Variants in MCHR2 observed in about 807,000 individuals in gnomAD.
MCHR2 encodes melanin concentrating hormone receptor 2.
MCHR2 carries 15 observed loss-of-function variants against 24.8 expected under a neutral mutation model. The ratio of observed to expected loss-of-function variants is 0.60; its 90% CI spans 0.40 to 0.93. The LOEUF is 0.93. MCHR2 is among the 40% of genes least tolerant of loss of function. MCHR2 has a pLI of 0.00. For synonymous variants in MCHR2, 151 were observed against 147.6 expected (o/e 1.02, Z -0.17); for missense variants, 386 against 408.7 (o/e 0.94, Z 0.48).
At chr6:99,991,139 G>A (rs1359250119) in intron 1 of MCHR2, among the ~76,000 whole-genome samples, 1 of 151,936 alleles carries the variant, frequency 6.6e-6, no homozygotes. Flanking sequence ...GTGCGGGCAT[G>A]GAGATAAAGA....
chr6:99,991,152 G>C (rs914641050), intron 1 of MCHR2, among the ~76,000 whole-genome samples: 1 of 151,884 alleles, frequency 6.6e-6, no homozygotes, highest in African/African-American at 2.4e-5. Flanking sequence ...GATAAAGAGT[G>C]GGGAAAAGAG....
In MCHR2 at chr6:99,930,956, C is replaced by T. The variant is rs1371364840; in HGVS notation, c.707+3442G>A. On this transcript the variant is annotated intron_variant, in intron 5 of 5. Coordinates refer to ENST00000281806, the MANE Select transcript of MCHR2 (RefSeq NM_001040179.2). Reference sequence around the variant, plus strand: ...TCCAGTTTTTCTGCTCTGTTTTTTCCCCATCTTTGTGGTTTTATCTACTTT... The same window carrying T: ...TCCAGTTTTTCTGCTCTGTTTTTTCTCCATCTTTGTGGTTTTATCTACTTT... 3.3e-5 allele frequency among the ~76,000 whole-genome samples: 5 copies of T among 152,046 alleles called. No individual in the cohort carries two copies. In the East Asian group the frequency reaches 9.6e-4, roughly 29 times the overall value.
At chr6:99,949,677 C>T (rs773136170) in intron 2 of MCHR2, among the ~76,000 whole-genome samples, 9 of 152,042 alleles carry the variant, frequency 5.9e-5, no homozygotes, top group South Asian at 2.1e-4. Flanking sequence ...CCATACTGTA[C>T]GCATTGTTGC....
At chr6:99,924,459 G>T (rs1774307462) in intron 5 of MCHR2, among the ~76,000 whole-genome samples, 1 of 151,750 alleles carries the variant, frequency 6.6e-6, no homozygotes, top group Admixed American at 6.6e-5. Context: ...GGTTTGGTTT[G>T]CTCTTGCTTT....
chr6:99,976,312 A>G (rs1244881191), intron 1 of MCHR2, among the ~76,000 whole-genome samples: 1 of 152,170 alleles, frequency 6.6e-6, no homozygotes, highest in Non-Finnish European at 1.5e-5. Flanking sequence ...TAGCCTTAGG[A>G]AACTATGTGA....
chr6:99,953,058 A>G (rs182610774), intron 2 of MCHR2, among the ~76,000 whole-genome samples: 2 of 152,268 alleles, frequency 1.3e-5, no homozygotes, highest in African/African-American at 4.8e-5. Context: ...CATAAGTTAC[A>G]GCTCAGAATT....
At chr6:99,943,654 AG>A (rs1774822080) in intron 3 of MCHR2, among the ~76,000 whole-genome samples, 1 of 152,146 alleles carries the variant, frequency 6.6e-6, no homozygotes, top group Non-Finnish European at 1.5e-5. Flanking sequence ...GTCCCTACAA[AG>A]GACATGAAAG....
chr6:99,954,814 A>G (rs1276650825), intron 2 of MCHR2, among the ~76,000 whole-genome samples: 2 of 152,266 alleles, frequency 1.3e-5, no homozygotes, highest in South Asian at 2.1e-4. Context: ...TTACTTTCTG[A>G]TGGTTTGATT....
intron 4 of MCHR2, 131 bp from the exon 5 acceptor site, chr6:99,934,648 T>C (rs1774620235): frequency 3.8e-6 from 3 of 782,604 alleles, no homozygotes; most frequent in Non-Finnish European, 5.5e-6. Flanking sequence ...AAAGTCCTTG[T>C]GGAAAAGCTC....
intron 1 of MCHR2, among the ~76,000 whole-genome samples, chr6:99,989,518 C>A (rs1191244438): frequency 6.6e-6 from 1 of 152,078 alleles, no homozygotes; most frequent in Non-Finnish European, 1.5e-5. Context: ...AGTGGTAGGG[C>A]CAAAAATTGA....
intron 1 of MCHR2, among the ~76,000 whole-genome samples, chr6:99,964,459 C>T (rs192650751): frequency 2.0e-5 from 3 of 152,038 alleles, no homozygotes; most frequent in Non-Finnish European, 4.4e-5. Flanking sequence ...GCTGGGGAAG[C>T]CTCAGGAAAC....
chr6:99,976,801 G>C (rs1019174378), intron 1 of MCHR2, among the ~76,000 whole-genome samples: 9 of 152,184 alleles, frequency 5.9e-5, no homozygotes, highest in African/African-American at 1.9e-4. Context: ...CTAAGGTAAG[G>C]CCTGCTGACT....
At chr6:99,922,106 A>ATT (rs34099388) in intron 5 of MCHR2, among the ~76,000 whole-genome samples, 140 of 125,842 alleles carry the variant, frequency 1.1e-3, no homozygotes, top group Non-Finnish European at 1.6e-3. Flanking sequence ...CCATTTGTCC[A>ATT]TTTTTTTTTT....
intron 5 of MCHR2, among the ~76,000 whole-genome samples, chr6:99,933,887 G>A (rs1774597048): frequency 6.6e-6 from 1 of 151,806 alleles, no homozygotes. Context: ...TATCTTCAAA[G>A]GTCCTTCTCA....
intron 1 of MCHR2, among the ~76,000 whole-genome samples, chr6:99,991,832 G>GA (rs1357298710): frequency 9.1e-6 from 1 of 109,338 alleles, no homozygotes; most frequent in Non-Finnish European, 2.0e-5. Flanking sequence ...AAAAAGAAAA[G>GA]AAAAAAGAAA....
intron 1 of MCHR2, among the ~76,000 whole-genome samples, chr6:99,990,389 ATG>A (rs750682131): frequency 4.6e-5 from 7 of 151,886 alleles, no homozygotes; most frequent in Non-Finnish European, 8.8e-5. Context: ...TTTACCCTGT[ATG>A]TGTGTGTGTG....
At chr6:99,949,275 G>A (rs1346868550) in intron 2 of MCHR2, among the ~76,000 whole-genome samples, 2 of 152,106 alleles carry the variant, frequency 1.3e-5, no homozygotes, top group African/African-American at 4.8e-5. Context: ...ATAAATAAAT[G>A]ATCACATCAC....
chr6:99,941,240 C>CT (rs112421841), intron 4 of MCHR2, among the ~76,000 whole-genome samples: 96,234 of 120,588 alleles, frequency 0.8, 38,951 homozygotes, highest in East Asian at 0.97. Flanking sequence ...GGCTTGGAGG[C>CT]TTTTTTTTTT....
intron 1 of MCHR2, among the ~76,000 whole-genome samples, chr6:99,980,177 C>A (rs1404834551): frequency 3.3e-5 from 5 of 152,214 alleles, no homozygotes; most frequent in Non-Finnish European, 7.3e-5. Context: ...TTGACTCCAC[C>A]TGCTATGGGC....
Sources: gnomAD v4.1 joint callset for allele counts (sites outside exome capture counted in the v4.1 genomes callset) on GRCh38, gnomAD v4.1.1 for gene constraint, MANE v1.5 for transcripts, NCBI Gene and HGNC (gene_info 2026-07-23, HGNC 2026-07-21) for gene names.